PDE10A: variants seen among roughly 807,000 people sequenced by gnomAD.
PDE10A encodes phosphodiesterase 10A, also known as cAMP and cAMP-inhibited cGMP 3',5'-cyclic phosphodiesterase 10A.
Under a neutral mutation model 97.7 loss-of-function variants are expected in PDE10A, and 39 were observed. The observed-to-expected ratio is 0.40, with a 90% confidence interval of 0.31 to 0.52. PDE10A has a LOEUF of 0.52. PDE10A is among the 20% of genes least tolerant of loss of function. The pLI, the probability that PDE10A is intolerant of heterozygous loss-of-function variation, is 0.56. For missense variants in PDE10A, 731 were observed against 1,047.8 expected, an observed-to-expected ratio of 0.70 and a Z score of 4.17; for synonymous variants, 371 against 376.8, an observed-to-expected ratio of 0.98 and a Z score of 0.18.
At chr6:165,565,358 C>CA (rs1784724144) in intron 1 of PDE10A, among the ~76,000 whole-genome samples, 2 of 151,772 alleles carry the variant, frequency 1.3e-5, no homozygotes, top group African/African-American at 4.8e-5. Context: ...CACTAGCACT[C>CA]AAAAAATGAA....
chr6:165,509,573 T>C (rs994580816), intron 2 of PDE10A, among the ~76,000 whole-genome samples: 2 of 149,962 alleles, frequency 1.3e-5, no homozygotes, highest in African/African-American at 2.5e-5. Flanking sequence ...TTTGGTTCCA[T>C]ACAAATTTCA....
At chr6:165,924,487 G>A (rs1782865348) in intron 1 of PDE10A, among the ~76,000 whole-genome samples, 1 of 152,090 alleles carries the variant, frequency 6.6e-6, no homozygotes, top group Admixed American at 6.5e-5. Context: ...CTCTCTGTGT[G>A]TACCATTCAT....
intron 1 of PDE10A, among the ~76,000 whole-genome samples, chr6:165,699,729 A>T (rs1315308337): frequency 6.6e-6 from 1 of 152,226 alleles, no homozygotes; most frequent in Non-Finnish European, 1.5e-5. Context: ...CACATTCTTA[A>T]ACAACCAATG....
At chr6:165,344,058 T>G (rs374588036) in intron 18 of PDE10A, among the ~76,000 whole-genome samples, 1 of 152,294 alleles carries the variant, frequency 6.6e-6, no homozygotes, top group East Asian at 1.9e-4. Flanking sequence ...CTCCAAACAC[T>G]GTGCTTCTCA....
At chr6:165,789,630 A>G (rs1414394671) in intron 1 of PDE10A, among the ~76,000 whole-genome samples, 1 of 152,248 alleles carries the variant, frequency 6.6e-6, no homozygotes, top group East Asian at 1.9e-4. Context: ...GAATATGTCA[A>G]TCCAGCAACA....
At chr6:165,754,944 C>T (rs755415625) in intron 1 of PDE10A, among the ~76,000 whole-genome samples, 26 of 152,094 alleles carry the variant, frequency 1.7e-4, no homozygotes, top group Non-Finnish European at 2.6e-4. Flanking sequence ...AAATAAACTT[C>T]GCTCAGTAGC....
At chr6:165,954,232 A>G (rs535789794) in intron 1 of PDE10A, among the ~76,000 whole-genome samples, 25 of 152,346 alleles carry the variant, frequency 1.6e-4, no homozygotes, top group African/African-American at 6.0e-4. Flanking sequence ...AGATTTTTGT[A>G]TGGAAAGATG....
At chr6:165,798,547 C>A (rs117832854) in intron 1 of PDE10A, among the ~76,000 whole-genome samples, 2 of 151,960 alleles carry the variant, frequency 1.3e-5, no homozygotes, top group African/African-American at 4.8e-5. Context: ...CATTTAACTC[C>A]GAAAACGGTA....
chr6:165,720,462 G>C (rs1303360740), intron 1 of PDE10A, among the ~76,000 whole-genome samples: 6 of 152,190 alleles, frequency 3.9e-5, no homozygotes, highest in Middle Eastern at 3.4e-3. Context: ...GCGTTCAACT[G>C]GCAACTGTGC....
chr6:165,563,496 C>A (rs1022815624), intron 1 of PDE10A, among the ~76,000 whole-genome samples: 2 of 152,112 alleles, frequency 1.3e-5, no homozygotes, highest in Non-Finnish European at 2.9e-5. Context: ...GCCTTTCTCA[C>A]CTATTTATCT....
chr6:165,921,427 G>A (rs1782749478), intron 1 of PDE10A, among the ~76,000 whole-genome samples: 1 of 152,196 alleles, frequency 6.6e-6, no homozygotes, highest in East Asian at 1.9e-4. Flanking sequence ...ACTTTCTAGA[G>A]GCTGAGAGTA....
intron 1 of PDE10A, among the ~76,000 whole-genome samples, chr6:165,962,718 G>A (rs546377724): frequency 3.2e-4 from 49 of 152,306 alleles, no homozygotes; most frequent in Non-Finnish European, 6.8e-4. Context: ...CAGCAGAGGC[G>A]AAAGATTAAC....
intron 10 of PDE10A, among the ~76,000 whole-genome samples, chr6:165,427,644 T>C (rs1789260827): frequency 1.3e-5 from 2 of 152,270 alleles, no homozygotes; most frequent in East Asian, 1.9e-4. Context: ...CTGTATAGTA[T>C]GTAAATTACA....
chr6:165,987,067 G>C lies in PDE10A; in HGVS notation c.-615+462C>G, dbSNP rs371261741. Among the ~76,000 whole-genome samples, 104 of 152,198 alleles carry C rather than the reference G, an allele frequency of 6.8e-4. 1 individual carries two copies. The highest frequency in any genetic ancestry group is 2.3e-3 in the African/African-American group (96 of 41,522). ...AGAACTGGAGAAGGGCGGCTGGCTC[G>C]GGAGGAAGGAAGTTGCGGTGCACAC... On this transcript the variant is annotated intron_variant, in intron 1 of 19. Coordinates refer to the PDE10A transcript ENST00000366882.
chr6:165,641,845 G>A (rs534408271), intron 1 of PDE10A, among the ~76,000 whole-genome samples: 15 of 152,280 alleles, frequency 9.9e-5, no homozygotes, highest in African/African-American at 1.7e-4. Context: ...AACAGAACAC[G>A]GTCCCGTCTC....
intron 1 of PDE10A, among the ~76,000 whole-genome samples, chr6:165,733,160 C>T (rs996222798): frequency 8.5e-5 from 13 of 152,218 alleles, no homozygotes; most frequent in African/African-American, 2.4e-4. Flanking sequence ...ATCCTAGTAA[C>T]CCTGTCCTCA....
chr6:165,594,175 C>T (rs1786446365), intron 1 of PDE10A, among the ~76,000 whole-genome samples: 1 of 152,138 alleles, frequency 6.6e-6, no homozygotes, highest in Non-Finnish European at 1.5e-5. Flanking sequence ...GTCTTGGCTA[C>T]TAAATACCAT....
chr6:165,933,336 C>T (rs918807193), intron 1 of PDE10A, among the ~76,000 whole-genome samples: 3 of 152,152 alleles, frequency 2.0e-5, no homozygotes, highest in African/African-American at 7.2e-5. Flanking sequence ...CTAAAACCTA[C>T]TTCTCTTTTT....
In PDE10A at chr6:165,569,409, A is replaced by G. The variant is rs150808036; in HGVS notation, c.866-25841T>C. On this transcript the variant is annotated intron_variant, in intron 1 of 21. Transcript: ENST00000539869. ...TCTTCTTTTGCACGAGTGTTGTAAGACTGTGTCAATATTCAAAGAACATAT... is the reference window on the plus strand; with the variant it reads ...TCTTCTTTTGCACGAGTGTTGTAAGGCTGTGTCAATATTCAAAGAACATAT... Among the ~76,000 whole-genome samples the G allele has an allele frequency of 7.3e-3, 1,117 of 152,340 alleles. 13 individuals are homozygous for G. The highest frequency in any genetic ancestry group is 0.024 in the African/African-American group (1,013 of 41,586).
Sources: gnomAD v4.1 joint callset for allele counts (sites outside exome capture counted in the v4.1 genomes callset) on GRCh38, gnomAD v4.1.1 for gene constraint, MANE v1.5 for transcripts, NCBI Gene and HGNC (gene_info 2026-07-23, HGNC 2026-07-21) for gene names.